The following TAF3 variants were observed in gnomAD, a reference collection of about 807,000 sequenced individuals.
TAF3 encodes TATA-box binding protein associated factor 3.
TAF3 carries 7 observed loss-of-function variants against 80.6 expected under a neutral mutation model. The ratio of observed to expected loss-of-function variants is 0.09; its 90% CI spans 0.05 to 0.16. TAF3 has a LOEUF of 0.16. TAF3 is among the 10% of genes least tolerant of loss of function. The pLI is 1.00. For missense variants in TAF3, 921 were observed against 1,140.2 expected (o/e 0.81, Z 2.77); for synonymous variants, 444 against 446.1 (o/e 1.00, Z 0.06).
At chr10:7,914,882 C>G (rs1214077230) in intron 2 of TAF3, among the ~76,000 whole-genome samples, 1 of 150,684 alleles carries the variant, frequency 6.6e-6, no homozygotes, top group African/African-American at 2.4e-5. Context: ...CACATCTGAC[C>G]ACATGTGCCT....
At chr10:7,855,074 T>A (rs1372581898) in intron 2 of TAF3, among the ~76,000 whole-genome samples, 1 of 151,984 alleles carries the variant, frequency 6.6e-6, no homozygotes, top group Non-Finnish European at 1.5e-5. Context: ...AAGGCAAGAG[T>A]AACCCATTTT....
Position 8,014,677 on chromosome 10 carries a change from C to G in TAF3, c.2716C>G (p.Gln906Glu). 1 of 1,613,086 alleles carries G rather than the reference C, an allele frequency of 6.2e-7. No individual in the cohort carries two copies. The highest frequency in any genetic ancestry group is 8.5e-7 in the Non-Finnish European group (1 of 1,179,540). The change falls in exon 7 of 7, where the codon CAG becomes GAG. Residue 906 changes from glutamine to glutamate, a missense_variant. Gln to Glu is a conservative substitution (Grantham distance 29). Coordinates refer to ENST00000344293, the MANE Select transcript of TAF3 (RefSeq NM_031923.4). ...CATGACTGCACCCCCAGAAGAGATG[C>G]AGTGGTTCTGCCCCAAGTGTGCGAA... ...GIMTAPPEEM[Q>E]WFCPKCANKK...
intron 2 of TAF3, among the ~76,000 whole-genome samples, chr10:7,837,362 G>A (rs999418974): frequency 1.3e-5 from 2 of 148,194 alleles, no homozygotes; most frequent in Admixed American, 6.7e-5. Flanking sequence ...AAAAAAGTCA[G>A]CTGGGTGTGG....
At chr10:7,884,369 G>T (rs188264439) in intron 2 of TAF3, among the ~76,000 whole-genome samples, 1 of 148,090 alleles carries the variant, frequency 6.8e-6, no homozygotes, top group Admixed American at 6.8e-5. Context: ...GGAAGCAGCC[G>T]TTTCTCCAAA....
chr10:7,950,629 A>T (rs1838073252), intron 2 of TAF3, among the ~76,000 whole-genome samples: 1 of 152,218 alleles, frequency 6.6e-6, no homozygotes, highest in Non-Finnish European at 1.5e-5. Context: ...CCATGTAGTT[A>T]TATACAGTTA....
chr10:7,838,612 C>T (rs1836876686), intron 2 of TAF3, among the ~76,000 whole-genome samples: 1 of 152,138 alleles, frequency 6.6e-6, no homozygotes, highest in African/African-American at 2.4e-5. Context: ...AAACTCCTGA[C>T]CTCAGGTGAT....
intron 3 of TAF3, among the ~76,000 whole-genome samples, chr10:7,973,554 G>A (rs990434519): frequency 4.6e-5 from 7 of 152,112 alleles, no homozygotes; most frequent in African/African-American, 7.2e-5. Context: ...GAAAAGAAAG[G>A]AAAAATGGTT....
At chr10:7,884,725 G>A (rs1447319756) in intron 2 of TAF3, among the ~76,000 whole-genome samples, 1 of 152,032 alleles carries the variant, frequency 6.6e-6, no homozygotes, top group African/African-American at 2.4e-5. Flanking sequence ...TAGAATCCAG[G>A]GCACTAGGAC....
intron 2 of TAF3, among the ~76,000 whole-genome samples, chr10:7,893,285 A>C (rs1353514942): frequency 6.6e-6 from 1 of 152,242 alleles, no homozygotes; most frequent in African/African-American, 2.4e-5. Flanking sequence ...GTTATTTAAT[A>C]ATCAGTTACT....
At chr10:7,884,391 C>CTTTTTTTTTTT (rs1257267688) in intron 2 of TAF3, among the ~76,000 whole-genome samples, 1 of 58,476 alleles carries the variant, frequency 1.7e-5, no homozygotes, top group Non-Finnish European at 4.1e-5. Context: ...AGCTCTGCCT[C>CTTTTTTTTTTT]CTTTTTTTTT....
chr10:7,965,983 C>G (rs974205824), intron 3 of TAF3, among the ~76,000 whole-genome samples: 1 of 152,140 alleles, frequency 6.6e-6, no homozygotes, highest in Non-Finnish European at 1.5e-5. Flanking sequence ...TAATCACAGA[C>G]TATAAACTCT....
intron 2 of TAF3, among the ~76,000 whole-genome samples, chr10:7,873,191 A>G (rs1487278453): frequency 6.6e-6 from 1 of 152,174 alleles, no homozygotes; most frequent in Admixed American, 6.5e-5. Flanking sequence ...TCTTTAATCG[A>G]TAGCCATATC....
intron 2 of TAF3, among the ~76,000 whole-genome samples, chr10:7,957,052 A>T (rs1838142780): frequency 6.6e-6 from 1 of 152,148 alleles, no homozygotes. Context: ...TTTTCAATAC[A>T]TTCTCACACG....
At chr10:7,923,719 A>G (rs112379547) in intron 2 of TAF3, among the ~76,000 whole-genome samples, 3 of 150,256 alleles carry the variant, frequency 2.0e-5, no homozygotes, top group African/African-American at 5.0e-5. Context: ...TTTAAACACA[A>G]AAAAAAAGGA....
intron 2 of TAF3, among the ~76,000 whole-genome samples, chr10:7,923,605 CA>C (rs568094730): frequency 3.2e-4 from 48 of 147,898 alleles, no homozygotes; most frequent in African/African-American, 9.1e-4. Context: ...CAAAACAAAA[CA>C]AAAAAACCCC....
At chr10:7,909,015 G>A (rs921878037) in intron 2 of TAF3, among the ~76,000 whole-genome samples, 1 of 152,220 alleles carries the variant, frequency 6.6e-6, no homozygotes, top group Admixed American at 6.5e-5. Context: ...TTGTGCTGGT[G>A]GCTTAGCAGG....
At chr10:7,977,436 C>T (rs986296828) in intron 4 of TAF3, 113 bp downstream of exon 4, 65 of 886,148 alleles carry the variant, frequency 7.3e-5, no homozygotes, top group South Asian at 5.9e-4. Context: ...CCTGTAGGGT[C>T]AAGCTTTATT....
chr10:7,847,818 A>G (rs1017033083), intron 2 of TAF3, among the ~76,000 whole-genome samples: 4 of 152,092 alleles, frequency 2.6e-5, no homozygotes, highest in African/African-American at 9.7e-5. Context: ...TCCAGGCTGG[A>G]GTGCACTGGT....
At chr10:7,941,877 G>A (rs929497878) in intron 2 of TAF3, among the ~76,000 whole-genome samples, 6 of 151,946 alleles carry the variant, frequency 3.9e-5, no homozygotes, top group African/African-American at 1.5e-4. Context: ...CTGGCTCTGG[G>A]GTCCTAGTTT....
Sources: allele counts gnomAD v4.1 joint callset (sites outside exome capture counted in the v4.1 genomes callset), GRCh38; gene constraint gnomAD v4.1.1; transcripts MANE v1.5; gene names NCBI Gene and HGNC (gene_info 2026-07-23, HGNC 2026-07-21).